Variants in TENT5D observed in about 807,000 individuals in gnomAD.
TENT5D encodes terminal nucleotidyltransferase 5D, also known as cancer/testis antigen 112.
For synonymous variants in TENT5D, 103 were observed against 100.6 expected, an observed-to-expected ratio of 1.02 and a Z score of -0.15; for missense variants, 191 against 287.0, an observed-to-expected ratio of 0.67 and a Z score of 2.42.
intron 3 of TENT5D, among the ~76,000 whole-genome samples, chrX:80,366,163 T>G (rs989765753): frequency 9.2e-6 from 1 of 108,423 alleles, no homozygotes; most frequent in African/African-American, 3.4e-5. Flanking sequence ...ATTAAATAGA[T>G]CTCTCTAGTG....
At chrX:80,406,069 G>C (rs1931486821) in intron 3 of TENT5D, among the ~76,000 whole-genome samples, 1 of 109,338 alleles carries the variant, frequency 9.1e-6, no homozygotes, top group Non-Finnish European at 1.9e-5. Context: ...CTAACAAACA[G>C]AAAGGACATC....
intron 3 of TENT5D, among the ~76,000 whole-genome samples, chrX:80,394,513 T>C (rs1241684660): frequency 9.9e-6 from 1 of 100,564 alleles, no homozygotes; most frequent in Non-Finnish European, 2.0e-5. Flanking sequence ...TGCCTCAGCC[T>C]CCCGAGTAGC....
chrX:80,372,096 A>G (rs1358621699), intron 3 of TENT5D, among the ~76,000 whole-genome samples: 1 of 111,060 alleles, frequency 9.0e-6, no homozygotes, highest in African/African-American at 3.3e-5. Context: ...TCTAACATCT[A>G]AAATTCCAAA....
chrX:80,389,729 A>G (rs1391893570), intron 3 of TENT5D, among the ~76,000 whole-genome samples: 2 of 112,244 alleles, frequency 1.8e-5, no homozygotes, highest in Non-Finnish European at 3.8e-5. Context: ...AGAAATAACT[A>G]TTGGATTTAG....
Position 80,337,253 on chromosome X carries a change from G to A in TENT5D, c.-207+1537G>A, listed in dbSNP as rs1360335909. Among the ~76,000 whole-genome samples the A allele has an allele frequency of 8.1e-5, 9 of 111,600 alleles. No individual in the cohort carries two copies. The East Asian group carries it at 2.0e-3, about 24-fold the overall frequency. The stretch of plus-strand genomic sequence containing the variant: ...CCTATAAAATATTTATAAAATGTGT[G>A]TGCAAAATAAAAGCAATATTACAAA... On this transcript the variant is annotated intron_variant, in intron 2 of 4. Transcript: ENST00000538312.
rs191882666 is a variant in TENT5D at position 80,347,210 on chromosome X, G to A, written c.-142+4646G>A. Among the ~76,000 whole-genome samples the A allele has an allele frequency of 1.8e-3, 198 of 111,333 alleles. 1 individual carries two copies. The Middle Eastern group carries it at 0.019, about 11-fold the overall frequency. ...ATATACCCAGTAATGGTATTGCTGG[G>A]TCAAATGGTATTCCTGGTTCTAGAT... On this transcript the variant is annotated intron_variant, in intron 3 of 4. Transcript: ENST00000538312.
chrX:80,421,925 G>T (rs1220015360), intron 1 of TENT5D, among the ~76,000 whole-genome samples: 5 of 111,283 alleles, frequency 4.5e-5, no homozygotes, highest in Non-Finnish European at 9.4e-5. Flanking sequence ...AGGAGAAGGA[G>T]GAGTTATTTG....
At chrX:80,415,328 G>C (rs1931747584) in intron 3 of TENT5D, among the ~76,000 whole-genome samples, 1 of 111,029 alleles carries the variant, frequency 9.0e-6, no homozygotes, top group Admixed American at 9.6e-5. Context: ...AGCTAGGACT[G>C]CCAGTACTGT....
At chrX:80,338,284 A>T (rs908933410) in intron 2 of TENT5D, among the ~76,000 whole-genome samples, 2 of 111,381 alleles carry the variant, frequency 1.8e-5, no homozygotes, top group Non-Finnish European at 3.8e-5. Context: ...TTCTTTGGGG[A>T]CCTAATTAAC....
exon 3 of TENT5D, chrX:80,443,629 T>A (rs765852551): frequency 8.3e-7 from 1 of 1,208,345 alleles, no homozygotes; most frequent in Admixed American, 2.2e-5. Flanking sequence ...GTACCCTATT[T>A]ATGTAATACC....
chrX:80,350,717 T>G (rs1221136338), intron 3 of TENT5D, among the ~76,000 whole-genome samples: 1 of 111,731 alleles, frequency 9.0e-6, no homozygotes, highest in African/African-American at 3.3e-5. Context: ...ATTTTGCACA[T>G]TAGTTGATGC....
At chrX:80,400,132 A>G (rs1469636637) in intron 3 of TENT5D, among the ~76,000 whole-genome samples, 1 of 111,519 alleles carries the variant, frequency 9.0e-6, no homozygotes. Context: ...CTCTCAGTCC[A>G]GGGCCAAAAA....
At chrX:80,362,476 T>G in intron 3 of TENT5D, among the ~76,000 whole-genome samples, 1 of 112,562 alleles carries the variant, frequency 8.9e-6, no homozygotes, top group Non-Finnish European at 1.9e-5. Context: ...TTTCATTTTT[T>G]ATGACTTTAT....
At chrX:80,365,215 A>G (rs892613042) in intron 3 of TENT5D, among the ~76,000 whole-genome samples, 8 of 111,922 alleles carry the variant, frequency 7.1e-5, no homozygotes, top group African/African-American at 2.3e-4. Context: ...TTACCAAGAC[A>G]TTGTAGATTA....
chrX:80,364,375 T>G (rs1930466052), intron 3 of TENT5D, among the ~76,000 whole-genome samples: 1 of 111,882 alleles, frequency 8.9e-6, no homozygotes, highest in Admixed American at 9.5e-5. Flanking sequence ...GATTAATTCT[T>G]TACTCCTCTT....
chrX:80,342,947 A>AT (rs200150103), intron 3 of TENT5D, among the ~76,000 whole-genome samples: 13,699 of 104,157 alleles, frequency 0.13, 737 homozygotes, highest in South Asian at 0.37. Flanking sequence ...GTCTATCTTT[A>AT]TTTTTTTTTT....
Position 80,362,786 on chromosome X carries a change from A to T in TENT5D, c.-142+20222A>T, listed in dbSNP as rs750416042. Among the ~76,000 whole-genome samples the T allele has an allele frequency of 2.7e-5, 3 of 111,739 alleles. No homozygotes were observed. The East Asian group carries it at 8.4e-4, about 31-fold the overall frequency. ...CAGAAGTTGCCACTGCTCTTTTTAA[A>T]GATTGTGAAATAAAACCAGAAATCA... is the stretch of plus-strand genomic sequence containing the variant. On this transcript the variant is annotated intron_variant, in intron 3 of 4. Coordinates refer to the TENT5D transcript ENST00000538312.
chrX:80,403,254 A>G (rs1013696048), intron 3 of TENT5D, among the ~76,000 whole-genome samples: 2 of 112,441 alleles, frequency 1.8e-5, no homozygotes, highest in Non-Finnish European at 3.8e-5. Flanking sequence ...TAAAAATTTA[A>G]AATAGTCTGG....
intron 3 of TENT5D, among the ~76,000 whole-genome samples, chrX:80,414,119 C>T (rs1369051352): frequency 8.9e-6 from 1 of 111,764 alleles, no homozygotes; most frequent in Non-Finnish European, 1.9e-5. Flanking sequence ...ACTCAAACTC[C>T]AGGAAGGAGT....
Sources: allele counts gnomAD v4.1 joint callset (sites outside exome capture counted in the v4.1 genomes callset), GRCh38; gene constraint gnomAD v4.1.1; transcripts MANE v1.5; gene names NCBI Gene and HGNC (gene_info 2026-07-23, HGNC 2026-07-21).